Variants in SYT1 observed in about 807,000 individuals in gnomAD.
SYT1 encodes the protein synaptotagmin-1.
A neutral mutation model predicts 44.8 loss-of-function variants in SYT1; 8 were observed. The observed-to-expected ratio is 0.18, with a 90% confidence interval of 0.10 to 0.32. The LOEUF (loss-of-function observed/expected upper bound fraction) is 0.32, where lower values mean the gene tolerates loss of function less well. Among genes scored for constraint, SYT1 ranks in the 10% least tolerant of loss-of-function variants. The probability of loss-of-function intolerance (pLI) is 1.00; values close to 1 mark genes in which losing one functional copy is unlikely to be tolerated. For missense variants in SYT1, 286 were observed against 509.3 expected (o/e 0.56, Z 4.22); for synonymous variants, 154 against 188.8 (o/e 0.82, Z 1.51).
chr12:79,409,458 G>A (rs975074922), intron 9 of SYT1, among the ~76,000 whole-genome samples: 17 of 152,138 alleles, frequency 1.1e-4, no homozygotes, highest in East Asian at 1.9e-4. Flanking sequence ...TTTTGATATC[G>A]TTAATAAGGC....
chr12:79,365,632 A>G (rs1301228563), intron 9 of SYT1, among the ~76,000 whole-genome samples: 1 of 152,100 alleles, frequency 6.6e-6, no homozygotes, highest in Non-Finnish European at 1.5e-5. Context: ...GAAAGTCTCT[A>G]TTTTATTAAT....
intron 3 of SYT1, among the ~76,000 whole-genome samples, chr12:79,082,772 C>T (rs1420589146): frequency 1.3e-5 from 2 of 151,924 alleles, no homozygotes; most frequent in African/African-American, 4.8e-5. Flanking sequence ...GAGGCAGGGA[C>T]CAGTTAGGGG....
intron 3 of SYT1, among the ~76,000 whole-genome samples, chr12:79,060,981 A>G (rs2137842038): frequency 6.6e-6 from 1 of 152,204 alleles, no homozygotes; most frequent in Non-Finnish European, 1.5e-5. Flanking sequence ...GCCTGTCTTC[A>G]TTTGATTATC....
chr12:79,105,216 T>A (rs1878648419), intron 3 of SYT1, among the ~76,000 whole-genome samples: 1 of 152,186 alleles, frequency 6.6e-6, no homozygotes, highest in Admixed American at 6.5e-5. Context: ...TTTTCGAGCT[T>A]CAGCCTTCTC....
chr12:79,210,730 A>G (rs1386436166), intron 3 of SYT1, among the ~76,000 whole-genome samples: 2 of 152,194 alleles, frequency 1.3e-5, no homozygotes, highest in African/African-American at 4.8e-5. Flanking sequence ...TATCTTTTTC[A>G]TATAATGACT....
At position 79,417,816 on chromosome 12, in the gene SYT1, G is replaced by A. The variant is rs555476140; in HGVS notation, c.929-26257G>A. The stretch of plus-strand genomic sequence containing the variant: ...CACTCCCACCCCCCACTTCAACCTG[G>A]AGAACCTCTAAAGTTGTGCTTTTCT... On this transcript the variant is annotated intron_variant, in intron 9 of 10. Coordinates refer to ENST00000261205, the MANE Select transcript of SYT1 (RefSeq NM_005639.3). 3.3e-5 allele frequency among the ~76,000 whole-genome samples: 5 copies of A among 151,002 alleles called. 1 individual carries two copies. In the South Asian group the frequency reaches 1.0e-3, roughly 32 times the overall value.
At position 78,931,179 on chromosome 12, in the gene SYT1, AAAAGAAAGAAAGAAAG is replaced by A. The variant is rs1165668920; in HGVS notation, c.-216-46573_-216-46558del. Among the ~76,000 whole-genome samples, 129 of 59,852 alleles carry A rather than the reference AAAAGAAAGAAAGAAAG, an allele frequency of 2.2e-3. 1 individual carries two copies. Among genetic ancestry groups the A allele is most frequent in the East Asian group, 3.7e-3 (6 of 1,622 alleles). 39.3% of individuals were successfully genotyped at this position (59,852 alleles called of 152,430 possible). ...GTCTGTGGAAAGAAAGAAAGAAAGA[AAAAGAAAGAAAGAAAG>A]AAAGAAAGAAAGAAAGAAAGAAAGA... is the stretch of plus-strand genomic sequence containing the variant. On this transcript the variant is annotated intron_variant, in intron 1 of 10. Coordinates refer to ENST00000261205, the MANE Select transcript of SYT1 (RefSeq NM_005639.3).
chr12:78,889,415 C>T (rs912977898), intron 1 of SYT1, among the ~76,000 whole-genome samples: 2 of 151,884 alleles, frequency 1.3e-5, no homozygotes, highest in African/African-American at 2.4e-5. Context: ...ATAAATGAAG[C>T]TGACACCATA....
intron 9 of SYT1, among the ~76,000 whole-genome samples, chr12:79,435,116 T>C (rs1441873786): frequency 1.3e-5 from 2 of 152,054 alleles, no homozygotes; most frequent in Non-Finnish European, 2.9e-5. Context: ...TCTTTTCCCT[T>C]GGGTGGTATA....
chr12:79,231,170 C>T (rs1471173182), intron 4 of SYT1, among the ~76,000 whole-genome samples: 1 of 152,038 alleles, frequency 6.6e-6, no homozygotes, highest in Non-Finnish European at 1.5e-5. Flanking sequence ...GAAGCAGAAA[C>T]CAGAGGGAAT....
chr12:79,207,125 G>T (rs1226742850), intron 3 of SYT1, among the ~76,000 whole-genome samples: 1 of 152,156 alleles, frequency 6.6e-6, no homozygotes, highest in Non-Finnish European at 1.5e-5. Context: ...AGTCCAATGA[G>T]CTGCCATTGA....
chr12:78,866,129 C>A (rs1193462627), intron 1 of SYT1, among the ~76,000 whole-genome samples: 1 of 152,130 alleles, frequency 6.6e-6, no homozygotes, highest in Non-Finnish European at 1.5e-5. Context: ...TTAACCCTTT[C>A]GTGAAATAAA....
chr12:78,917,287 T>C (rs1424791508), intron 1 of SYT1, among the ~76,000 whole-genome samples: 1 of 152,068 alleles, frequency 6.6e-6, no homozygotes, highest in African/African-American at 2.4e-5. Flanking sequence ...CTTGGCAGTT[T>C]TTCATGAGTC....
chr12:78,870,992 A>C (rs1873792661), intron 1 of SYT1, among the ~76,000 whole-genome samples: 1 of 152,092 alleles, frequency 6.6e-6, no homozygotes, highest in Non-Finnish European at 1.5e-5. Flanking sequence ...CTTTCTTGGA[A>C]TTTCTTTTGT....
chr12:79,379,146 G>T (rs1884117291), intron 9 of SYT1, among the ~76,000 whole-genome samples: 1 of 152,152 alleles, frequency 6.6e-6, no homozygotes, highest in South Asian at 2.1e-4. Context: ...TGTTCTGAGA[G>T]CATGGTTTAG....
chr12:79,273,213 C>T (rs1442941115), intron 4 of SYT1, among the ~76,000 whole-genome samples: 2 of 151,096 alleles, frequency 1.3e-5, no homozygotes, highest in Non-Finnish European at 2.9e-5. Flanking sequence ...AACTCCTGGG[C>T]TTAAGTGATC....
chr12:78,975,630 C>T (rs938978089), intron 1 of SYT1, among the ~76,000 whole-genome samples: 7 of 152,136 alleles, frequency 4.6e-5, no homozygotes, highest in Admixed American at 3.3e-4. Context: ...CCAGACTCTA[C>T]TTGAAGTCTG....
intron 4 of SYT1, among the ~76,000 whole-genome samples, chr12:79,221,340 G>T (rs1310850931): frequency 3.3e-5 from 5 of 152,038 alleles, no homozygotes; most frequent in Middle Eastern, 3.4e-3. Flanking sequence ...CATGTAGCTG[G>T]ATCTTTTTAA....
intron 9 of SYT1, among the ~76,000 whole-genome samples, chr12:79,409,829 G>T (rs990812103): frequency 6.6e-6 from 1 of 151,990 alleles, no homozygotes; most frequent in Non-Finnish European, 1.5e-5. Context: ...GTGGAATGCA[G>T]CAAGGAAAGA....
Sources: gnomAD v4.1 joint callset for allele counts (sites outside exome capture counted in the v4.1 genomes callset) on GRCh38, gnomAD v4.1.1 for gene constraint, MANE v1.5 for transcripts, NCBI Gene and HGNC (gene_info 2026-07-23, HGNC 2026-07-21) for gene names.